Variants in PER2 observed in about 807,000 individuals in gnomAD.
PER2 encodes period circadian regulator 2, also known as period circadian protein homolog 2.
Under a neutral mutation model 121.0 loss-of-function variants are expected in PER2, and 66 were observed. The observed-to-expected ratio is 0.55, with a 90% CI of 0.45 to 0.67. The LOEUF is 0.67. Among genes scored for constraint, PER2 ranks in the 30% least tolerant of loss-of-function variants. PER2 has a pLI of 0.00. For missense variants in PER2, 1,521 were observed against 1,635.0 expected, an observed-to-expected ratio of 0.93 and a Z score of 1.20; for synonymous variants, 684 against 659.9, an observed-to-expected ratio of 1.04 and a Z score of -0.56.
chr2:238,286,096 T>G (rs1696774645), intron 1 of PER2, among the ~76,000 whole-genome samples: 2 of 152,146 alleles, frequency 1.3e-5, no homozygotes, highest in Admixed American at 1.3e-4. Context: ...CAATTCAGAC[T>G]TTTAAATCCC....
intron 12 of PER2, among the ~76,000 whole-genome samples, chr2:238,261,178 G>A (rs1400197558): frequency 1.3e-5 from 2 of 152,196 alleles, no homozygotes; most frequent in African/African-American, 2.4e-5. Context: ...CCGAGGAGAC[G>A]GCACCAAAGG....
intron 4 of PER2, 144 bp from the exon 5 acceptor site, chr2:238,273,335 C>G: frequency 2.3e-6 from 2 of 871,272 alleles, no homozygotes; most frequent in Non-Finnish European, 3.7e-6. Flanking sequence ...ACAGAACATA[C>G]GGAAACGTGA....
chr2:238,267,431 G>A (rs530722730), intron 8 of PER2, among the ~76,000 whole-genome samples: 1 of 152,322 alleles, frequency 6.6e-6, no homozygotes, highest in East Asian at 1.9e-4. Flanking sequence ...TGTGAGTGAG[G>A]TGGCAGCAGG....
chr2:238,244,403 C>T lies in PER2; in HGVS notation c.*1972G>A, dbSNP rs1695390328. The stretch of plus-strand genomic sequence containing the variant: ...ACGCGCTGAAGCTACAGTTAACAAT[C>T]AGTGAGCACATATTAAATGATAAAA... On this transcript the variant is annotated 3_prime_UTR_variant, in exon 23 of 23. Transcript: ENST00000254657. 2 of 152,578 alleles carry T rather than the reference C, an allele frequency of 1.3e-5. No homozygotes were observed. Among genetic ancestry groups the T allele is most frequent in the Non-Finnish European group, 2.9e-5 (2 of 68,046 alleles). 9.5% of individuals were successfully genotyped at this position (152,578 alleles called of 1,614,324 possible).
At chr2:238,261,377 C>A in intron 12 of PER2, 1 of 396,282 alleles carries the variant, frequency 2.5e-6, no homozygotes, top group South Asian at 3.0e-5. Flanking sequence ...GTACAATGTC[C>A]CTCCCTTAAG....
At chr2:238,271,088 TTC>T (rs995771644) in intron 6 of PER2, among the ~76,000 whole-genome samples, 2 of 152,250 alleles carry the variant, frequency 1.3e-5, no homozygotes, top group African/African-American at 2.4e-5. Flanking sequence ...CCTAACGGTT[TTC>T]TCTCTCTGAA....
chr2:238,298,663 T>C, the PER2 span: 1 of 152,170 alleles, frequency 6.6e-6, no homozygotes, highest in East Asian at 1.9e-4. Context: ...ACAGAAAAAG[T>C]TTGCTGACCG....
chr2:238,289,649 GCTC>G (rs1696909488), upstream of PER2: 2 of 152,262 alleles, frequency 1.3e-5, no homozygotes, highest in Non-Finnish European at 2.9e-5. Context: ...ATCCCCACAG[GCTC>G]CGTGAGAAAG....
At chr2:238,260,989 A>G (rs149013617) in intron 12 of PER2, 36 bp from the exon 13 acceptor site, 2 of 1,604,828 alleles carry the variant, frequency 1.2e-6, no homozygotes, top group African/African-American at 2.7e-5. Context: ...AGACACAGCC[A>G]GGGCTGCTGA....
chr2:238,253,419 G>A lies in PER2; in HGVS notation c.2604C>T (p.Pro868=), dbSNP rs145721519. ...TGAAGCTGGCGTGGGGAGGTGCCGG[G>A]GGTGCTGCCACAGTCCCTGGCGCTG... ...VFPAPGTVAA[P]PAPPHASFTV... Residue 868 remains proline (P), a synonymous_variant, in exon 19 of 23, where the codon CCC becomes CCT. Transcript: ENST00000254657. This position sits in a 1 kb window ranked among gnomAD's most constrained non-coding sequence, Gnocchi z 5.6. 7 of 1,610,620 alleles carry A rather than the reference G, an allele frequency of 4.3e-6. No homozygotes were observed. The highest frequency in any genetic ancestry group is 5.9e-6 in the Non-Finnish European group (7 of 1,177,632).
chr2:238,295,178 G>C, the PER2 span, among the ~76,000 whole-genome samples: 1 of 152,178 alleles, frequency 6.6e-6, no homozygotes, highest in Non-Finnish European at 1.5e-5. Context: ...GTCCCTAAAC[G>C]GAGTCTTGTT....
In PER2 at chr2:238,253,568, C is replaced by A. The variant is rs199933426; in HGVS notation, c.2455G>T (p.Ala819Ser). ...TTCAAGCCCACCAGCGGGGGCCGGG[C>A]GGACACGGGCCCCCCAGATCCGGTG... ...ESTGSGGPVSARPPLVGLNAT... is the reference protein window; with the variant it reads ...ESTGSGGPVSSRPPLVGLNAT... Residue 819 changes from alanine to serine, a missense_variant, in exon 19 of 23, where the codon GCC becomes TCC. By Grantham distance (99) the Ala-to-Ser change is moderately conservative. Coordinates refer to ENST00000254657, the MANE Select transcript of PER2 (RefSeq NM_022817.3). This position sits in a 1 kb window ranked among gnomAD's most constrained non-coding sequence, Gnocchi z 5.6. 1.2e-5 allele frequency: 19 copies of A among 1,609,708 alleles called. No homozygotes were observed. The highest frequency in any genetic ancestry group is 2.2e-5 in the East Asian group (1 of 44,790).
intron 5 of PER2, among the ~76,000 whole-genome samples, chr2:238,272,737 AACTG>A (rs754874324): frequency 3.3e-5 from 5 of 152,194 alleles, no homozygotes; most frequent in African/African-American, 4.8e-5. Flanking sequence ...TGGACAAGTG[AACTG>A]ACTGTCACCA....
In PER2 at chr2:238,255,770, T is replaced by C. The variant is rs2106370592; in HGVS notation, c.2207A>G (p.Lys736Arg). 2 of 1,614,230 alleles carry C rather than the reference T, an allele frequency of 1.2e-6. No individual in the cohort carries two copies. The highest frequency in any genetic ancestry group is 1.7e-6 in the Non-Finnish European group (2 of 1,180,034). Residue 736 changes from lysine (K) to arginine (R), a missense_variant, in exon 18 of 23, where the codon AAG (lysine) becomes AGG (arginine). Physicochemically the swap from Lys to Arg is conservative, Grantham distance 26 (BLOSUM62 2). Coordinates refer to ENST00000254657, the MANE Select transcript of PER2 (RefSeq NM_022817.3). ...CTTCTGCAGGAAGCTCTGCTCCTCC[T>C]TCTGTGTGTGTGCAGCGAGTACCTC... ...TKEVLAAHTQ[K>R]EEQSFLQKFK...
intron 3 of PER2, among the ~76,000 whole-genome samples, chr2:238,276,912 T>C (rs1046305092): frequency 6.6e-6 from 1 of 152,006 alleles, no homozygotes; most frequent in Non-Finnish European, 1.5e-5. Context: ...TGGGAGGAGC[T>C]ACAGGTACTG....
intron 5 of PER2, among the ~76,000 whole-genome samples, chr2:238,272,410 A>G (rs2106318756): frequency 6.6e-6 from 1 of 152,326 alleles, no homozygotes; most frequent in African/African-American, 2.4e-5. Context: ...GGGCCCCTCC[A>G]GCCCACCATG....
At chr2:238,280,673 A>G (rs1696602234) in intron 1 of PER2, among the ~76,000 whole-genome samples, 1 of 152,240 alleles carries the variant, frequency 6.6e-6, no homozygotes, top group Non-Finnish European at 1.5e-5. Context: ...GCAAAGGGAA[A>G]GGAGAAGAGA....
chr2:238,263,103 T>TG (rs1695985827), intron 9 of PER2, 45 bp from the exon 10 acceptor site: 3 of 1,120,742 alleles, frequency 2.7e-6, no homozygotes, highest in African/African-American at 1.5e-5. Flanking sequence ...TCCAAACAGA[T>TG]GAGGAGATTG....
At chr2:238,270,260 A>G (rs554223987) in intron 6 of PER2, among the ~76,000 whole-genome samples, 2 of 152,346 alleles carry the variant, frequency 1.3e-5, no homozygotes, top group East Asian at 1.9e-4. Context: ...CAAGGCTTAC[A>G]TCGGTATTTT....
Sources: gnomAD v4.1 joint callset for allele counts (sites outside exome capture counted in the v4.1 genomes callset) on GRCh38, gnomAD v4.1.1 for gene constraint, Gnocchi (gnomAD v3.1) non-coding constraint, MANE v1.5 for transcripts, NCBI Gene and HGNC (gene_info 2026-07-23, HGNC 2026-07-21) for gene names.